The following MTUS2 variants were observed in gnomAD, a reference collection of about 807,000 sequenced individuals.
MTUS2 encodes microtubule-associated tumor suppressor candidate 2.
Under a neutral mutation model 114.1 loss-of-function variants are expected in MTUS2, and 40 were observed. The ratio of observed to expected loss-of-function variants is 0.35; its 90% CI spans 0.27 to 0.46. The LOEUF (loss-of-function observed/expected upper bound fraction) is 0.46, where lower values mean the gene tolerates loss of function less well. Among genes scored for constraint, MTUS2 ranks in the 20% least tolerant of loss-of-function variants. The pLI, the probability that MTUS2 is intolerant of heterozygous loss-of-function variation, is 1.00. For missense variants in MTUS2, 1,679 were observed against 1,705.4 expected (o/e 0.98, Z 0.27); for synonymous variants, 688 against 672.0 (o/e 1.02, Z -0.37).
chr13:29,489,607 C>T (rs557708340), intron 11 of MTUS2: 160 of 152,352 alleles, frequency 1.1e-3, no homozygotes, highest in African/African-American at 3.8e-3. Context: ...TAAAAATATA[C>T]TGATGTGTGG....
chr13:29,304,697 T>C (rs1426539690), intron 6 of MTUS2, among the ~76,000 whole-genome samples: 1 of 152,112 alleles, frequency 6.6e-6, no homozygotes, highest in African/African-American at 2.4e-5. Flanking sequence ...TGGTAGACTT[T>C]AACACCCCAC....
intron 6 of MTUS2, among the ~76,000 whole-genome samples, chr13:29,290,632 G>A (rs556364387): frequency 6.6e-6 from 1 of 152,156 alleles, no homozygotes; most frequent in East Asian, 1.9e-4. Flanking sequence ...GCCTGGCCAG[G>A]AACATCTCTT....
intron 6 of MTUS2, among the ~76,000 whole-genome samples, chr13:29,282,288 C>T (rs891238874): frequency 1.3e-5 from 2 of 152,224 alleles, no homozygotes; most frequent in Admixed American, 6.5e-5. Context: ...CTCCTGCTGG[C>T]TCTAGGCTCA....
intron 9 of MTUS2, among the ~76,000 whole-genome samples, chr13:29,464,610 G>A (rs544084154): frequency 1.3e-5 from 2 of 152,300 alleles, no homozygotes; most frequent in South Asian, 4.2e-4. Flanking sequence ...TCCAAGGGTG[G>A]TCCCTAGGGC....
chr13:28,911,454 G>A (rs1183834023), intron 2 of MTUS2, among the ~76,000 whole-genome samples: 3 of 151,996 alleles, frequency 2.0e-5, no homozygotes, highest in Admixed American at 6.6e-5. Flanking sequence ...GATTACAGGC[G>A]TGAGCCACCT....
At chr13:29,066,221 C>T (rs1317879220) in intron 4 of MTUS2, among the ~76,000 whole-genome samples, 2 of 152,338 alleles carry the variant, frequency 1.3e-5, no homozygotes, top group Admixed American at 6.5e-5. Context: ...CAGCCAGATG[C>T]TGTCTAACAC....
At chr13:29,056,972 T>G (rs1323909284) in intron 4 of MTUS2, among the ~76,000 whole-genome samples, 6 of 152,058 alleles carry the variant, frequency 3.9e-5, no homozygotes, top group Non-Finnish European at 5.9e-5. Flanking sequence ...TAACACTGCT[T>G]TAGTTATGTC....
At chr13:29,165,347 C>T (rs10161955) in intron 5 of MTUS2, among the ~76,000 whole-genome samples, 21,138 of 152,202 alleles carry the variant, frequency 0.14, 1,663 homozygotes, top group Middle Eastern at 0.24. Context: ...TCTCACCACA[C>T]GTAACACCCT....
At chr13:29,445,980 G>T (rs1257786288) in intron 9 of MTUS2, among the ~76,000 whole-genome samples, 2 of 151,904 alleles carry the variant, frequency 1.3e-5, no homozygotes, top group African/African-American at 4.8e-5. Flanking sequence ...CTGGAAGTTG[G>T]TGGGTGGGAC....
At chr13:29,153,749 C>T (rs1892752051) in intron 5 of MTUS2, among the ~76,000 whole-genome samples, 1 of 152,216 alleles carries the variant, frequency 6.6e-6, no homozygotes, top group Non-Finnish European at 1.5e-5. Context: ...TCCTACTTCT[C>T]TTTATTTTCC....
At chr13:29,450,650 A>T (rs189562424) in intron 9 of MTUS2, among the ~76,000 whole-genome samples, 1 of 152,302 alleles carries the variant, frequency 6.6e-6, no homozygotes, top group East Asian at 1.9e-4. Context: ...GTCAGATTGG[A>T]TAAAAAAAGA....
At chr13:29,074,977 A>G (rs1320898402) in intron 4 of MTUS2, among the ~76,000 whole-genome samples, 8 of 152,196 alleles carry the variant, frequency 5.3e-5, no homozygotes, top group African/African-American at 1.9e-4. Context: ...TCATCACCCT[A>G]AAAAGAAACT....
At chr13:29,096,058 A>G (rs182972169) in intron 4 of MTUS2, among the ~76,000 whole-genome samples, 203 of 151,954 alleles carry the variant, frequency 1.3e-3, no homozygotes, top group African/African-American at 4.7e-3. Context: ...TTTTGTTGTA[A>G]TGAAACTTTT....
At chr13:29,258,896 A>G (rs980035264) in intron 5 of MTUS2, among the ~76,000 whole-genome samples, 5 of 152,212 alleles carry the variant, frequency 3.3e-5, no homozygotes, top group African/African-American at 1.2e-4. Context: ...AGCCACCACC[A>G]CTTAGTCAAG....
intron 2 of MTUS2, among the ~76,000 whole-genome samples, chr13:28,987,347 T>C (rs1884634152): frequency 1.3e-5 from 2 of 152,126 alleles, no homozygotes; most frequent in Non-Finnish European, 2.9e-5. Context: ...CGAGTCGCAT[T>C]GCACAGTGGC....
chr13:29,126,465 T>C (rs56162600), intron 5 of MTUS2, among the ~76,000 whole-genome samples: 1 of 152,212 alleles, frequency 6.6e-6, no homozygotes, highest in Non-Finnish European at 1.5e-5. Context: ...TCTTTAGCTC[T>C]GCTTTCCTGT....
At chr13:29,232,848 G>C (rs1339533052) in intron 5 of MTUS2, among the ~76,000 whole-genome samples, 3 of 152,166 alleles carry the variant, frequency 2.0e-5, no homozygotes, top group African/African-American at 7.2e-5. Context: ...AGAAATGTCT[G>C]TATTAAACGT....
At chr13:29,349,219 G>A (rs1374020256) in intron 7 of MTUS2, among the ~76,000 whole-genome samples, 1 of 150,696 alleles carries the variant, frequency 6.6e-6, no homozygotes, top group African/African-American at 2.4e-5. Flanking sequence ...GTTGTTTTAG[G>A]GTTCATAATA....
chr13:29,202,915 C>T (rs185552401), intron 5 of MTUS2, among the ~76,000 whole-genome samples: 373 of 152,272 alleles, frequency 2.4e-3, no homozygotes, highest in Non-Finnish European at 3.6e-3. Flanking sequence ...AGATGCCAGC[C>T]GGAGCTCTCC....
Sources: gnomAD v4.1 joint callset for allele counts (sites outside exome capture counted in the v4.1 genomes callset) on GRCh38, gnomAD v4.1.1 for gene constraint, MANE v1.5 for transcripts, NCBI Gene and HGNC (gene_info 2026-07-23, HGNC 2026-07-21) for gene names.